The following ANKRD28 variants were observed in gnomAD, a reference collection of about 807,000 sequenced individuals.
ANKRD28 encodes the protein ankyrin repeat domain 28, also known as serine/threonine-protein phosphatase 6 regulatory ankyrin repeat subunit A.
In ANKRD28, 44 loss-of-function variants were observed where a neutral mutation model predicts 126.5. The ratio of observed to expected loss-of-function variants is 0.35; its 90% CI spans 0.27 to 0.45. ANKRD28 has a LOEUF of 0.45. ANKRD28 is among the 20% of genes least tolerant of loss of function. The pLI is 1.00. For synonymous variants in ANKRD28, 442 were observed against 468.5 expected (o/e 0.94, Z 0.73); for missense variants, 1,110 against 1,316.6 (o/e 0.84, Z 2.43).
chr3:15,670,548 G>C lies in ANKRD28; in HGVS notation c.2974C>G (p.Pro992Ala). 1 of 1,613,440 alleles carries C rather than the reference G, an allele frequency of 6.2e-7. No individual in the cohort carries two copies. Among genetic ancestry groups the C allele is most frequent in the Non-Finnish European group, 8.5e-7 (1 of 1,179,522 alleles). Reference protein sequence around the residue: ...VLAVDENGYTPALACAPNKDV... With the variant: ...VLAVDENGYTAALACAPNKDV... ...TTATTGGGAGCACAGGCCAAAGCTGGGGTATAGCCTAGAATTAAAGATAAA... is the reference window on the plus strand; with the variant it reads ...TTATTGGGAGCACAGGCCAAAGCTGCGGTATAGCCTAGAATTAAAGATAAA... Residue 992 changes from proline to alanine, a missense_variant, in exon 28 of 28, where the codon CCA (proline) becomes GCA (alanine). Coordinates refer to ENST00000683139, the MANE Select transcript of ANKRD28 (RefSeq NM_001349278.2).
chr3:15,781,692 T>C (rs1226745310), intron 2 of ANKRD28: 1 of 152,176 alleles, frequency 6.6e-6, no homozygotes, highest in African/African-American at 2.4e-5. Flanking sequence ...TCACAAAATA[T>C]GTAATGTCTA....
At chr3:15,825,623 A>G (rs948368952) in intron 1 of ANKRD28, among the ~76,000 whole-genome samples, 2 of 152,184 alleles carry the variant, frequency 1.3e-5, no homozygotes, top group African/African-American at 4.8e-5. Context: ...AACCCATAAA[A>G]GATTGATAAG....
At chr3:15,859,516 C>G (rs2061859167) in exon 1 of ANKRD28, 1 of 1,030,738 alleles carries the variant, frequency 9.7e-7, no homozygotes, top group East Asian at 3.4e-5. Flanking sequence ...CCGGGACCAG[C>G]GGGTCCGCGG....
At chr3:15,794,070 T>G (rs190383542) in intron 2 of ANKRD28, among the ~76,000 whole-genome samples, 313 of 151,450 alleles carry the variant, frequency 2.1e-3, no homozygotes, top group African/African-American at 7.4e-3. Context: ...ACTCTGTCTC[T>G]AAATAAATAC....
intron 1 of ANKRD28, among the ~76,000 whole-genome samples, chr3:15,840,148 A>G (rs560176268): frequency 6.6e-6 from 1 of 152,350 alleles, no homozygotes; most frequent in East Asian, 1.9e-4. Context: ...GAAAAATCCT[A>G]AAGACTCCAC....
chr3:15,837,134 G>A (rs567418383), intron 1 of ANKRD28, among the ~76,000 whole-genome samples: 2 of 150,168 alleles, frequency 1.3e-5, no homozygotes, highest in East Asian at 3.9e-4. Context: ...ACCATACGGA[G>A]CTAACAAAAC....
chr3:15,700,657 C>T (rs1363941665), intron 14 of ANKRD28, among the ~76,000 whole-genome samples: 1 of 151,998 alleles, frequency 6.6e-6, no homozygotes, highest in African/African-American at 2.4e-5. Flanking sequence ...GCCTGTAGTC[C>T]CAGCTACTCG....
chr3:15,745,509 C>T (rs2057416472), intron 4 of ANKRD28, among the ~76,000 whole-genome samples: 1 of 152,170 alleles, frequency 6.6e-6, no homozygotes, highest in South Asian at 2.1e-4. Flanking sequence ...TGTCAAAGAT[C>T]AGTTGGCTGT....
At chr3:15,858,848 A>G (rs1465722685) in intron 1 of ANKRD28, among the ~76,000 whole-genome samples, 1 of 152,216 alleles carries the variant, frequency 6.6e-6, no homozygotes, top group Non-Finnish European at 1.5e-5. Context: ...AAGTCAAGAA[A>G]AGTAACAAGA....
At position 15,667,776 on chromosome 3, in the gene ANKRD28, C is replaced by G. The variant is rs1053279737; in HGVS notation, c.*2494G>C. ...AGTTTTCTTAGTGGGGTGGCATTCG[C>G]AAGAACTACCTTAATGTTTTTGGTA... On this transcript the variant is annotated 3_prime_UTR_variant, in exon 28 of 28. Transcript: ENST00000683139. 3.3e-5 allele frequency: 5 copies of G among 152,150 alleles called. No individual in the cohort carries two copies. The highest frequency in any genetic ancestry group is 4.8e-5 in the African/African-American group (2 of 41,422). 9.4% of individuals were successfully genotyped at this position (152,150 alleles called of 1,614,324 possible).
chr3:15,762,203 AAAAAAAAAAACAAAAC>A (rs2058504286), intron 3 of ANKRD28, among the ~76,000 whole-genome samples: 10 of 32,786 alleles, frequency 3.1e-4, no homozygotes, highest in African/African-American at 4.3e-4. Context: ...AAAAAAAAAA[AAAAAAAAAAACAAAAC>A]AAAAAAAAAA....
intron 2 of ANKRD28, among the ~76,000 whole-genome samples, chr3:15,784,425 C>T (rs1169538836): frequency 6.6e-6 from 1 of 151,676 alleles, no homozygotes; most frequent in African/African-American, 2.4e-5. Context: ...TACTACCTGT[C>T]AAGTGGTATA....
chr3:15,835,712 T>A (rs944764371), intron 1 of ANKRD28, among the ~76,000 whole-genome samples: 2 of 152,194 alleles, frequency 1.3e-5, no homozygotes, highest in Admixed American at 6.5e-5. Flanking sequence ...CTTAGTCAAC[T>A]AATACCACAC....
chr3:15,752,815 G>A (rs2057937537), intron 3 of ANKRD28, among the ~76,000 whole-genome samples: 1 of 152,198 alleles, frequency 6.6e-6, no homozygotes, highest in Non-Finnish European at 1.5e-5. Flanking sequence ...AGTGTGAGGA[G>A]TCAGGGAATA....
chr3:15,816,292 T>C lies in ANKRD28; in HGVS notation c.28-20986A>G, dbSNP rs2060829968. On this transcript the variant is annotated intron_variant, in intron 1 of 27. Coordinates refer to the ANKRD28 transcript ENST00000399451. This position sits in a 1 kb window ranked among gnomAD's most constrained non-coding sequence, Gnocchi z 5.0. ...CCTCCACAAATATTTACTCAATAAT[T>C]GTTTGTTAATAACTATTTATATGCT... Among the ~76,000 whole-genome samples, 1 of 152,202 alleles carries C rather than the reference T, an allele frequency of 6.6e-6. No individual in the cohort carries two copies. Among genetic ancestry groups the C allele is most frequent in the Non-Finnish European group, 1.5e-5 (1 of 68,022 alleles).
At chr3:15,707,830 A>C in intron 14 of ANKRD28, 94 bp downstream of exon 14, 1 of 1,443,008 alleles carries the variant, frequency 6.9e-7, no homozygotes. Context: ...AAAAAATACA[A>C]AGAGGAAACA....
chr3:15,819,314 G>C (rs955814028), intron 1 of ANKRD28, among the ~76,000 whole-genome samples: 2 of 152,088 alleles, frequency 1.3e-5, no homozygotes, highest in Non-Finnish European at 2.9e-5. Flanking sequence ...TGATATTGGA[G>C]TAAGAATAAA....
intron 21 of ANKRD28, chr3:15,684,512 A>C (rs933738447): frequency 1.3e-5 from 2 of 152,184 alleles, no homozygotes; most frequent in African/African-American, 4.8e-5. Context: ...ACATACATAG[A>C]TTTCAGTTTA....
chr3:15,774,232 CA>C (rs2059153749), intron 2 of ANKRD28, among the ~76,000 whole-genome samples: 1 of 151,948 alleles, frequency 6.6e-6, no homozygotes, highest in Non-Finnish European at 1.5e-5. Flanking sequence ...GATGCAATAC[CA>C]AAAGCAAAAT....
Sources: gnomAD v4.1 joint callset for allele counts (sites outside exome capture counted in the v4.1 genomes callset) on GRCh38, gnomAD v4.1.1 for gene constraint, Gnocchi (gnomAD v3.1) non-coding constraint, MANE v1.5 for transcripts, NCBI Gene and HGNC (gene_info 2026-07-23, HGNC 2026-07-21) for gene names.